The following FILIP1 variants were observed in gnomAD, a reference collection of about 807,000 sequenced individuals.
FILIP1 encodes filamin-A-interacting protein 1.
Under a neutral mutation model 102.1 loss-of-function variants are expected in FILIP1, and 61 were observed. The observed-to-expected ratio is 0.60, with a 90% CI of 0.49 to 0.74. The LOEUF is 0.74. Ranked by LOEUF, FILIP1 falls within the 30% of genes least tolerant of loss-of-function variation. FILIP1 has a pLI of 0.00. For synonymous variants in FILIP1, 491 were observed against 526.9 expected, an observed-to-expected ratio of 0.93 and a Z score of 0.93; for missense variants, 1,314 against 1,441.2, an observed-to-expected ratio of 0.91 and a Z score of 1.43.
chr6:75,369,916 G>T (rs1322629771), intron 2 of FILIP1, among the ~76,000 whole-genome samples: 2 of 152,200 alleles, frequency 1.3e-5, no homozygotes, highest in Non-Finnish European at 2.9e-5. Context: ...CCACTCACTT[G>T]GCTGAGAGGA....
At chr6:75,398,642 C>T (rs796616001) in intron 2 of FILIP1, among the ~76,000 whole-genome samples, 2 of 152,160 alleles carry the variant, frequency 1.3e-5, no homozygotes, top group South Asian at 4.1e-4. Context: ...GCACTAGGCA[C>T]TTGTAAACAA....
intron 1 of FILIP1, among the ~76,000 whole-genome samples, chr6:75,437,457 C>A (rs1293511169): frequency 1.3e-5 from 2 of 152,222 alleles, no homozygotes; most frequent in Non-Finnish European, 2.9e-5. Context: ...ATCTTCCTCA[C>A]AATCCTCATT....
At chr6:75,299,907 G>T (rs2149533401) in intron 6 of FILIP1, among the ~76,000 whole-genome samples, 1 of 152,312 alleles carries the variant, frequency 6.6e-6, no homozygotes, top group East Asian at 1.9e-4. Flanking sequence ...AAAGCTGTGT[G>T]CATGAGATAG....
intron 2 of FILIP1, among the ~76,000 whole-genome samples, chr6:75,376,545 T>A (rs923368588): frequency 6.6e-6 from 1 of 152,182 alleles, no homozygotes; most frequent in Non-Finnish European, 1.5e-5. Flanking sequence ...ATGAAATATC[T>A]GTGAAGTGAC....
rs563462323 is a variant in FILIP1, at chr6:75,415,354, T to C, written c.-6-376A>G. 1.7e-4 allele frequency among the ~76,000 whole-genome samples: 26 copies of C among 151,964 alleles called. No individual in the cohort carries two copies. The South Asian group carries it at 5.2e-3, about 30-fold the overall frequency. On this transcript the variant is annotated intron_variant, in intron 1 of 5. Transcript: ENST00000237172. The stretch of plus-strand genomic sequence containing the variant: ...GTAGGGCATATGCGTATTAGCTTTG[T>C]AATAATGTTAGGAATCTAAAACTGT...
chr6:75,332,475 T>A (rs532168631), intron 4 of FILIP1, among the ~76,000 whole-genome samples: 1 of 152,304 alleles, frequency 6.6e-6, no homozygotes, highest in Admixed American at 6.5e-5. Flanking sequence ...GGGCTCTCCC[T>A]TCCAGGTGGC....
At chr6:75,463,010 A>G (rs902032775) in intron 1 of FILIP1, among the ~76,000 whole-genome samples, 3 of 152,224 alleles carry the variant, frequency 2.0e-5, no homozygotes, top group African/African-American at 7.2e-5. Context: ...TGAAGTCTTC[A>G]CAGTGGCCAC....
At chr6:75,477,697 G>A (rs1322929932) in intron 1 of FILIP1, among the ~76,000 whole-genome samples, 1 of 152,094 alleles carries the variant, frequency 6.6e-6, no homozygotes, top group Non-Finnish European at 1.5e-5. Context: ...CTAATGGAAA[G>A]GGTCCTTGTG....
chr6:75,347,742 G>C (rs559870775), intron 4 of FILIP1, among the ~76,000 whole-genome samples: 13 of 152,050 alleles, frequency 8.5e-5, no homozygotes, highest in Non-Finnish European at 1.9e-4. Context: ...CAGTATAATA[G>C]TGCAGACTGT....
In FILIP1 at chr6:75,434,328, A is replaced by T. The variant is rs1487844326; in HGVS notation, c.-6-19350T>A. On this transcript the variant is annotated intron_variant, in intron 1 of 5. Coordinates refer to ENST00000237172, the MANE Select transcript of FILIP1 (RefSeq NM_015687.5). The stretch of plus-strand genomic sequence containing the variant: ...GATTCTTCCTACCCATGAGCATGGA[A>T]TGTTCTTCCATTTGTTTGTATCCTC... Among the ~76,000 whole-genome samples the T allele has an allele frequency of 2.0e-5, 3 of 152,178 alleles. No individual in the cohort carries two copies. The East Asian group carries it at 5.8e-4, about 29-fold the overall frequency.
intron 6 of FILIP1, among the ~76,000 whole-genome samples, chr6:75,302,360 A>T (rs184415627): frequency 1.3e-5 from 2 of 152,316 alleles, no homozygotes; most frequent in East Asian, 3.9e-4. Context: ...TGTTGCAAAG[A>T]GAGGAATCAG....
chr6:75,365,114 G>A (rs1261882664), intron 2 of FILIP1, among the ~76,000 whole-genome samples: 4 of 152,102 alleles, frequency 2.6e-5, no homozygotes, highest in African/African-American at 9.6e-5. Flanking sequence ...ATGAAGTAAA[G>A]GCCATTTTCT....
intron 2 of FILIP1, among the ~76,000 whole-genome samples, chr6:75,369,286 G>A (rs991777256): frequency 6.6e-6 from 1 of 152,184 alleles, no homozygotes; most frequent in Non-Finnish European, 1.5e-5. Flanking sequence ...GATTGTGTGA[G>A]ACTAAGGGAA....
chr6:75,320,993 T>G (rs189521543), intron 4 of FILIP1, among the ~76,000 whole-genome samples: 55 of 152,288 alleles, frequency 3.6e-4, no homozygotes, highest in Non-Finnish European at 5.7e-4. Flanking sequence ...TTTTCTCTCA[T>G]AGGTTTTTGT....
At chr6:75,337,194 T>C (rs1774271288) in intron 4 of FILIP1, among the ~76,000 whole-genome samples, 2 of 152,192 alleles carry the variant, frequency 1.3e-5, no homozygotes, top group African/African-American at 2.4e-5. Context: ...GAAAGTATTA[T>C]TGTGATTATA....
chr6:75,464,098 A>G (rs1037877691), intron 1 of FILIP1, among the ~76,000 whole-genome samples: 8 of 152,234 alleles, frequency 5.3e-5, no homozygotes. Context: ...TTAAGAATCC[A>G]AGACATCAGA....
chr6:75,296,124 A>G (rs1772660329), intron 6 of FILIP1, among the ~76,000 whole-genome samples: 1 of 152,186 alleles, frequency 6.6e-6, no homozygotes, highest in Non-Finnish European at 1.5e-5. Context: ...ATATTGGCGT[A>G]TGTACTTTAC....
intron 1 of FILIP1, among the ~76,000 whole-genome samples, chr6:75,486,893 CATT>C (rs1326434278): frequency 2.0e-5 from 3 of 151,550 alleles, no homozygotes; most frequent in South Asian, 2.1e-4. Context: ...TACATGTAGC[CATT>C]ATTATTATTA....
intron 2 of FILIP1, among the ~76,000 whole-genome samples, chr6:75,381,276 A>G (rs2149641239): frequency 1.3e-5 from 2 of 152,028 alleles, no homozygotes; most frequent in East Asian, 3.9e-4. Context: ...GTCGCCCAAG[A>G]TAGAGTGCAG....
Sources: gnomAD v4.1 joint callset for allele counts (sites outside exome capture counted in the v4.1 genomes callset) on GRCh38, gnomAD v4.1.1 for gene constraint, MANE v1.5 for transcripts, NCBI Gene and HGNC (gene_info 2026-07-23, HGNC 2026-07-21) for gene names.